ONECUT1: variants seen among roughly 807,000 people sequenced by gnomAD.
The protein encoded by ONECUT1 is hepatocyte nuclear factor 6.
ONECUT1 carries 12 observed loss-of-function variants against 25.6 expected under a neutral mutation model. That is an observed-to-expected ratio of 0.47 (90% confidence interval 0.30 to 0.76). The LOEUF (loss-of-function observed/expected upper bound fraction) is 0.76, where lower values mean the gene tolerates loss of function less well. Ranked by LOEUF, ONECUT1 falls within the 30% of genes least tolerant of loss-of-function variation. The pLI is 0.07. For synonymous variants in ONECUT1, 285 were observed against 270.2 expected, an observed-to-expected ratio of 1.05 and a Z score of -0.54; for missense variants, 620 against 651.2, an observed-to-expected ratio of 0.95 and a Z score of 0.52.
At chr15:52,758,042 G>A (rs1221250609) in intron 1 of ONECUT1, among the ~76,000 whole-genome samples, 195 bp from the exon 2 acceptor site, 1 of 152,208 alleles carries the variant, frequency 6.6e-6, no homozygotes, top group Non-Finnish European at 1.5e-5. Context: ...GTGAAGTTCT[G>A]TGAGGCCTGG....
In ONECUT1 at chr15:52,788,559, A is replaced by T; in HGVS notation, c.1105+221T>A. 2.0e-6 allele frequency: 1 copy of T among 505,104 alleles called. No homozygotes were observed. Among genetic ancestry groups the T allele is most frequent in the Non-Finnish European group, 3.5e-6 (1 of 287,620 alleles). 31.3% of individuals were successfully genotyped at this position (505,104 alleles called of 1,614,324 possible). On this transcript the variant is annotated intron_variant, in intron 1 of 1. Transcript: ENST00000305901. The surrounding 1 kb of genome is among the most constrained non-coding windows in gnomAD (Gnocchi z 4.3). The stretch of plus-strand genomic sequence containing the variant: ...TTCAGTCGCCGAGGCCCGGCCGCTT[A>T]GCTCTCGGAGCCTTCCACAGCCCAA...
intron 1 of ONECUT1, among the ~76,000 whole-genome samples, chr15:52,774,002 C>G (rs2083784051): frequency 6.6e-6 from 1 of 152,116 alleles, no homozygotes; most frequent in African/African-American, 2.4e-5. Context: ...TTTTTATTGT[C>G]TCCATTATTC....
chr15:52,774,212 T>TC (rs1318107237), intron 1 of ONECUT1, among the ~76,000 whole-genome samples: 1 of 152,114 alleles, frequency 6.6e-6, no homozygotes, highest in African/African-American at 2.4e-5. Flanking sequence ...TTATTTTTTT[T>TC]CTTTATTAGT....
chr15:52,771,481 A>T (rs555928241), intron 1 of ONECUT1, among the ~76,000 whole-genome samples: 1 of 151,124 alleles, frequency 6.6e-6, no homozygotes. Flanking sequence ...GTCTGTGTAT[A>T]TATCTATGGA....
intron 1 of ONECUT1, among the ~76,000 whole-genome samples, chr15:52,779,169 C>T (rs59438673): frequency 6.0e-4 from 92 of 152,104 alleles, no homozygotes; most frequent in African/African-American, 2.2e-3. Context: ...CTGCAACCTC[C>T]GCCTCCCAGG....
intron 1 of ONECUT1, among the ~76,000 whole-genome samples, chr15:52,778,539 T>C (rs1469213853): frequency 6.6e-6 from 1 of 152,248 alleles, no homozygotes; most frequent in Non-Finnish European, 1.5e-5. Flanking sequence ...CAATTTACTT[T>C]CGTTTCCACC....
At position 52,777,731 on chromosome 15, in the gene ONECUT1, C is replaced by CAAAAAAAAAAAAAAAAAAAA. The variant is rs1370694948; in HGVS notation, c.1105+11048_1105+11049insTTTTTTTTTTTTTTTTTTTT. ...ACACACACACACACACACACACACA[C>CAAAAAAAAAAAAAAAAAAAA]ACACACAAAAAAACATGTAAAGTTA... On this transcript the variant is annotated intron_variant, in intron 1 of 1. Coordinates refer to ENST00000305901, the MANE Select transcript of ONECUT1 (RefSeq NM_004498.4). Among the ~76,000 whole-genome samples the CAAAAAAAAAAAAAAAAAAAA allele has an allele frequency of 9.5e-5, 8 of 84,208 alleles. 1 individual carries two copies. Among genetic ancestry groups the CAAAAAAAAAAAAAAAAAAAA allele is most frequent in the African/African-American group, 5.7e-4 (7 of 12,290 alleles). 55.2% of individuals were successfully genotyped at this position (84,208 alleles called of 152,430 possible). A position where few individuals can be genotyped will look rare whatever the true frequency, so the allele number is the denominator to read the frequency against.
At chr15:52,783,177 G>C (rs1271206883) in intron 1 of ONECUT1, among the ~76,000 whole-genome samples, 5 of 152,180 alleles carry the variant, frequency 3.3e-5, no homozygotes, top group Non-Finnish European at 5.9e-5. Flanking sequence ...GGACTGAATT[G>C]AACGTTTTAG....
At chr15:52,780,703 C>A in intron 1 of ONECUT1, 2 of 1,509,800 alleles carry the variant, frequency 1.3e-6, no homozygotes. Flanking sequence ...CACTAGGTGG[C>A]GCGCTTCGCT....
chr15:52,769,748 G>A (rs1289750312), intron 1 of ONECUT1, among the ~76,000 whole-genome samples: 3 of 152,186 alleles, frequency 2.0e-5, no homozygotes, highest in African/African-American at 7.2e-5. Flanking sequence ...CCTTTACCAA[G>A]GTTAGGTGCC....
intron 1 of ONECUT1, among the ~76,000 whole-genome samples, chr15:52,764,349 T>G (rs551234490): frequency 2.6e-5 from 4 of 152,266 alleles, no homozygotes; most frequent in East Asian, 1.9e-4. Flanking sequence ...CACATGAAAT[T>G]TGGGGGACAC....
chr15:52,771,678 G>A (rs146883046), intron 1 of ONECUT1, among the ~76,000 whole-genome samples: 24 of 150,948 alleles, frequency 1.6e-4, no homozygotes, highest in African/African-American at 5.1e-4. Context: ...TGTTCCATAG[G>A]TTATTGAGGT....
chr15:52,778,698 A>C (rs2083820031), intron 1 of ONECUT1, among the ~76,000 whole-genome samples: 2 of 152,212 alleles, frequency 1.3e-5, no homozygotes, highest in African/African-American at 4.8e-5. Context: ...ACCACCTGAC[A>C]AGGGACTGGC....
intron 1 of ONECUT1, among the ~76,000 whole-genome samples, chr15:52,774,404 G>A (rs2083787041): frequency 6.6e-6 from 1 of 152,142 alleles, no homozygotes; most frequent in South Asian, 2.1e-4. Flanking sequence ...GGGTTCAAGT[G>A]ATTCTCCTGC....
At chr15:52,780,827 T>C in intron 1 of ONECUT1, 1 of 1,342,060 alleles carries the variant, frequency 7.5e-7, no homozygotes, top group Non-Finnish European at 9.5e-7. Context: ...GACTATGAGA[T>C]CATCACCAGA....
chr15:52,760,856 C>T (rs111991103), intron 1 of ONECUT1, among the ~76,000 whole-genome samples: 11 of 151,998 alleles, frequency 7.2e-5, no homozygotes, highest in African/African-American at 2.2e-4. Flanking sequence ...GGAGGGAGAA[C>T]TGGAAAGCAG....
At position 52,755,239 on chromosome 15, in the gene ONECUT1, A is replaced by T. The variant is rs1207536015; in HGVS notation, c.*2316T>A. ...CTCCTAAATTATAAATACATTATGT[A>T]GCTGTATCCCCGGCTCCCTCCATCC... is the stretch of plus-strand genomic sequence containing the variant. On this transcript the variant is annotated 3_prime_UTR_variant, in exon 2 of 2. Coordinates refer to ENST00000305901, the MANE Select transcript of ONECUT1 (RefSeq NM_004498.4). 6.6e-6 allele frequency among the ~76,000 whole-genome samples: 1 copy of T among 152,172 alleles called. No homozygotes were observed. Among genetic ancestry groups the T allele is most frequent in the African/African-American group, 2.4e-5 (1 of 41,428 alleles).
At chr15:52,786,734 C>A (rs536774752) in intron 1 of ONECUT1, among the ~76,000 whole-genome samples, 1 of 151,520 alleles carries the variant, frequency 6.6e-6, no homozygotes, top group East Asian at 2.0e-4. Context: ...TTCCATGGCT[C>A]AGAGGTCGTC....
intron 1 of ONECUT1, among the ~76,000 whole-genome samples, chr15:52,774,238 T>A (rs1436731120): frequency 6.6e-6 from 1 of 152,040 alleles, no homozygotes; most frequent in African/African-American, 2.4e-5. Context: ...ACCCTGCAGC[T>A]CCAGCTCAAA....
Sources: allele counts gnomAD v4.1 joint callset (sites outside exome capture counted in the v4.1 genomes callset), GRCh38; gene constraint gnomAD v4.1.1; non-coding constraint Gnocchi (gnomAD v3.1); transcripts MANE v1.5; gene names NCBI Gene and HGNC (gene_info 2026-07-23, HGNC 2026-07-21).